USP47: variants seen among roughly 807,000 people sequenced by gnomAD.
The protein encoded by USP47 is ubiquitin specific peptidase 47.
In USP47, 35 loss-of-function variants were observed where a neutral mutation model predicts 165.1. That is an observed-to-expected ratio of 0.21 (90% CI 0.16 to 0.28). The LOEUF is 0.28. USP47 is among the 10% of genes least tolerant of loss of function. The probability of loss-of-function intolerance (pLI) is 1.00; values close to 1 mark genes in which losing one functional copy is unlikely to be tolerated. For missense variants in USP47, 1,277 were observed against 1,607.4 expected (o/e 0.79, Z 3.52); for synonymous variants, 531 against 544.5 (o/e 0.98, Z 0.35).
At chr11:11,954,842 T>G in intron 25 of USP47, 55 bp from the exon 26 acceptor site, 1 of 1,589,072 alleles carries the variant, frequency 6.3e-7, no homozygotes, top group East Asian at 2.2e-5. Context: ...GAAAATAACT[T>G]TTCTAAGCAA....
At chr11:11,943,184 T>G in intron 20 of USP47, 72 bp downstream of exon 20, 1 of 1,500,990 alleles carries the variant, frequency 6.7e-7, no homozygotes, top group Non-Finnish European at 8.9e-7. Flanking sequence ...AAATTTTCAG[T>G]TAAGTGTTAG....
chr11:11,895,597 ACTCTTTCCTGT>A (rs1851797108), intron 4 of USP47, among the ~76,000 whole-genome samples: 1 of 151,894 alleles, frequency 6.6e-6, no homozygotes, highest in Admixed American at 6.6e-5. Flanking sequence ...TACTCAACAT[ACTCTTTCCTGT>A]CTCTTTCCTA....
intron 18 of USP47, 23 bp from the exon 19 acceptor site, chr11:11,940,406 T>C: frequency 6.4e-7 from 1 of 1,572,540 alleles, no homozygotes; most frequent in Non-Finnish European, 8.6e-7. Flanking sequence ...AGAGTACTTT[T>C]TATTAAATTG....
chr11:11,884,381 A>C, intron 2 of USP47, 86 bp from the exon 3 acceptor site: 1 of 947,530 alleles, frequency 1.1e-6, no homozygotes, highest in Non-Finnish European at 1.5e-6. Flanking sequence ...CTAAAAAAAT[A>C]CTATTTAAAT....
intron 1 of USP47, among the ~76,000 whole-genome samples, chr11:11,844,628 T>A (rs16910219): frequency 0.13 from 19,422 of 152,184 alleles, 1,574 homozygotes; most frequent in Middle Eastern, 0.39. Context: ...GTAAGAATAG[T>A]TTGTAACTCT....
intron 20 of USP47, 76 bp from the exon 21 acceptor site, chr11:11,947,869 A>G: frequency 6.8e-7 from 1 of 1,461,368 alleles, no homozygotes; most frequent in Non-Finnish European, 9.2e-7. Flanking sequence ...AATAAAAAGT[A>G]TATGATCTGT....
intron 3 of USP47, among the ~76,000 whole-genome samples, chr11:11,887,829 A>G (rs1451901443): frequency 6.6e-6 from 1 of 152,212 alleles, no homozygotes; most frequent in African/African-American, 2.4e-5. Context: ...ATCAGAAGTA[A>G]AACACTCCTC....
chr11:11,941,384 G>A (rs927358295), intron 19 of USP47, among the ~76,000 whole-genome samples: 7 of 151,856 alleles, frequency 4.6e-5, no homozygotes, highest in African/African-American at 1.7e-4. Flanking sequence ...GTTTCAATTT[G>A]TAACATTTAC....
chr11:11,870,628 G>T (rs1490859729), intron 1 of USP47, among the ~76,000 whole-genome samples: 1 of 152,058 alleles, frequency 6.6e-6, no homozygotes, highest in African/African-American at 2.4e-5. Context: ...TTCTTGAAGG[G>T]CATTTCTGCT....
intron 3 of USP47, among the ~76,000 whole-genome samples, chr11:11,891,286 T>C (rs187178432): frequency 1.1e-3 from 168 of 152,356 alleles, no homozygotes; most frequent in African/African-American, 3.9e-3. Flanking sequence ...CAGGAAAGAT[T>C]GTTCTGTTTG....
chr11:11,904,891 C>T (rs1852450753), intron 7 of USP47, among the ~76,000 whole-genome samples: 1 of 152,004 alleles, frequency 6.6e-6, no homozygotes, highest in African/African-American at 2.4e-5. Flanking sequence ...GTTTGATTTG[C>T]ATCTTGAGCT....
intron 1 of USP47, among the ~76,000 whole-genome samples, chr11:11,871,803 A>G (rs1350117336): frequency 2.6e-5 from 4 of 152,028 alleles, no homozygotes; most frequent in African/African-American, 9.7e-5. Context: ...GCTGGACTCC[A>G]CCTGCACTCT....
At chr11:11,906,670 A>C (rs926880923) in intron 8 of USP47, among the ~76,000 whole-genome samples, 1 of 152,172 alleles carries the variant, frequency 6.6e-6, no homozygotes, top group African/African-American at 2.4e-5. Flanking sequence ...ATATTTGAAA[A>C]GTTTTTTAGA....
chr11:11,874,099 T>C (rs1376906721), intron 1 of USP47, among the ~76,000 whole-genome samples: 3 of 152,348 alleles, frequency 2.0e-5, no homozygotes, highest in Admixed American at 1.3e-4. Flanking sequence ...CCCTTTGTTA[T>C]GATGTTGGGT....
At chr11:11,875,136 T>TAG (rs1238044446) in intron 1 of USP47, among the ~76,000 whole-genome samples, 3 of 151,830 alleles carry the variant, frequency 2.0e-5, no homozygotes, top group Admixed American at 2.0e-4. Context: ...AAAGGAAGAA[T>TAG]GTCTTAGAGA....
At chr11:11,925,138 C>T (rs778508847) in intron 11 of USP47, among the ~76,000 whole-genome samples, 5 of 149,892 alleles carry the variant, frequency 3.3e-5, no homozygotes, top group African/African-American at 7.4e-5. Context: ...GACGGAGTCT[C>T]GCTCTGTCGC....
intron 12 of USP47, 96 bp downstream of exon 12, chr11:11,929,661 T>C: frequency 6.7e-7 from 1 of 1,490,778 alleles, no homozygotes; most frequent in Non-Finnish European, 9.0e-7. Context: ...TGAATCTGTC[T>C]AGTGATACAT....
At chr11:11,896,482 CTGT>C (rs1851855853) in intron 4 of USP47, among the ~76,000 whole-genome samples, 1 of 152,192 alleles carries the variant, frequency 6.6e-6, no homozygotes, top group Non-Finnish European at 1.5e-5. Flanking sequence ...GGACAAATTG[CTGT>C]TGTTTGTGGG....
intron 7 of USP47, among the ~76,000 whole-genome samples, chr11:11,904,299 G>C (rs181291470): frequency 6.6e-6 from 1 of 152,240 alleles, no homozygotes; most frequent in South Asian, 2.1e-4. Flanking sequence ...AATGAAGAAG[G>C]CTTCATTAAA....
Sources: allele counts gnomAD v4.1 joint callset (sites outside exome capture counted in the v4.1 genomes callset), GRCh38; gene constraint gnomAD v4.1.1; transcripts MANE v1.5; gene names NCBI Gene and HGNC (gene_info 2026-07-23, HGNC 2026-07-21).